Variants in RGS6 observed in about 807,000 individuals in gnomAD.
RGS6 encodes the protein regulator of G-protein signaling 6.
Under a neutral mutation model 78.5 loss-of-function variants are expected in RGS6, and 30 were observed. The observed-to-expected ratio is 0.38, with a 90% CI of 0.29 to 0.52. RGS6 has a LOEUF of 0.52. Ranked by LOEUF, RGS6 falls within the 20% of genes least tolerant of loss-of-function variation. The pLI is 0.85. For synonymous variants in RGS6, 206 were observed against 206.0 expected (o/e 1.00, Z 0.00); for missense variants, 495 against 609.7 (o/e 0.81, Z 1.98).
chr14:71,963,398 A>G (rs999520563), intron 1 of RGS6, among the ~76,000 whole-genome samples: 2 of 152,234 alleles, frequency 1.3e-5, no homozygotes, highest in Non-Finnish European at 2.9e-5. Context: ...AAAATTAGCC[A>G]TCTTAAAGTG....
At chr14:71,920,460 TGA>T in the RGS6 span, among the ~76,000 whole-genome samples, 1 of 152,132 alleles carries the variant, frequency 6.6e-6, no homozygotes, top group East Asian at 1.9e-4. Flanking sequence ...GGCTGATGGT[TGA>T]GTGTATATGA....
chr14:72,618,019 C>G, the RGS6 span, among the ~76,000 whole-genome samples: 6 of 152,070 alleles, frequency 3.9e-5, no homozygotes, highest in Non-Finnish European at 5.9e-5. Flanking sequence ...ACACAGAGTT[C>G]TCGGAAGCTC....
chr14:71,991,245 C>T (rs2094941812), intron 2 of RGS6, among the ~76,000 whole-genome samples: 1 of 152,166 alleles, frequency 6.6e-6, no homozygotes, highest in Non-Finnish European at 1.5e-5. Flanking sequence ...CTAAACCTTG[C>T]ACAGTTATTT....
At chr14:72,401,828 G>T (rs1169117715) in intron 3 of RGS6, among the ~76,000 whole-genome samples, 2 of 152,176 alleles carry the variant, frequency 1.3e-5, no homozygotes, top group African/African-American at 4.8e-5. Context: ...CCTGAGGTCA[G>T]CCGCCACCAC....
At chr14:72,428,663 A>G (rs1374794872) in intron 3 of RGS6, among the ~76,000 whole-genome samples, 1 of 152,206 alleles carries the variant, frequency 6.6e-6, no homozygotes, top group African/African-American at 2.4e-5. Context: ...ACTCCATGTA[A>G]CAACTGAAGA....
At chr14:71,991,480 GT>G (rs537699819) in intron 2 of RGS6, among the ~76,000 whole-genome samples, 107 of 152,212 alleles carry the variant, frequency 7.0e-4, no homozygotes, top group African/African-American at 2.4e-3. Flanking sequence ...TGCCCTCTGT[GT>G]CTCAATTAAA....
At chr14:72,481,019 AC>A (rs1291549973) in intron 12 of RGS6, among the ~76,000 whole-genome samples, 1 of 152,090 alleles carries the variant, frequency 6.6e-6, no homozygotes, top group East Asian at 1.9e-4. Context: ...AACTTTGCAA[AC>A]TAAAGGGGCA....
intron 2 of RGS6, among the ~76,000 whole-genome samples, chr14:72,190,530 G>A (rs1408923185): frequency 1.3e-5 from 2 of 152,172 alleles, no homozygotes; most frequent in African/African-American, 2.4e-5. Context: ...GCCCTTCACG[G>A]GCAGTGGAAA....
intron 2 of RGS6, among the ~76,000 whole-genome samples, chr14:72,055,526 C>T (rs903676179): frequency 1.3e-5 from 2 of 152,122 alleles, no homozygotes; most frequent in Non-Finnish European, 2.9e-5. Context: ...CTCACCCTCG[C>T]TAGAAATATG....
At chr14:72,587,723 T>A in the RGS6 span, among the ~76,000 whole-genome samples, 1 of 152,080 alleles carries the variant, frequency 6.6e-6, no homozygotes. Flanking sequence ...CCAGCCCACA[T>A]GAGTCCTATC....
At chr14:71,939,408 C>T (rs1042367274) in intron 1 of RGS6, among the ~76,000 whole-genome samples, 10 of 152,268 alleles carry the variant, frequency 6.6e-5, no homozygotes, top group South Asian at 2.1e-4. Context: ...ATCAGCATAA[C>T]GTCAATGTAA....
intron 2 of RGS6, among the ~76,000 whole-genome samples, chr14:72,188,055 T>C (rs1257828761): frequency 6.6e-6 from 1 of 152,106 alleles, no homozygotes; most frequent in Admixed American, 6.5e-5. Flanking sequence ...TTTTACTATT[T>C]GAAATGGTCC....
the RGS6 span, among the ~76,000 whole-genome samples, chr14:71,927,419 T>G: frequency 6.6e-6 from 1 of 151,910 alleles, no homozygotes; most frequent in Middle Eastern, 3.2e-3. Context: ...ACAGAAAAAA[T>G]CCACTTCACA....
intron 2 of RGS6, among the ~76,000 whole-genome samples, chr14:72,287,168 C>G (rs1269758393): frequency 6.6e-6 from 1 of 152,158 alleles, no homozygotes; most frequent in African/African-American, 2.4e-5. Context: ...GATTTTGTTT[C>G]CTGATATTTC....
chr14:72,099,188 G>A (rs1326005460), intron 2 of RGS6, among the ~76,000 whole-genome samples: 2 of 152,006 alleles, frequency 1.3e-5, no homozygotes, highest in Non-Finnish European at 2.9e-5. Flanking sequence ...TTGAAATGGA[G>A]TCTCTCTGTC....
At chr14:71,938,199 T>C (rs907407348) in intron 1 of RGS6, among the ~76,000 whole-genome samples, 1 of 152,210 alleles carries the variant, frequency 6.6e-6, no homozygotes, top group Non-Finnish European at 1.5e-5. Flanking sequence ...TTTTGACCAC[T>C]CAGAAAGGTC....
the RGS6 span, among the ~76,000 whole-genome samples, chr14:72,602,723 G>A: frequency 2.0e-5 from 3 of 152,160 alleles, no homozygotes; most frequent in East Asian, 1.9e-4. Context: ...AATAATTTTG[G>A]CCTCAAGACA....
intron 3 of RGS6, among the ~76,000 whole-genome samples, chr14:72,440,560 A>G (rs2095152557): frequency 6.6e-6 from 1 of 151,782 alleles, no homozygotes; most frequent in African/African-American, 2.4e-5. Flanking sequence ...TTACAGGTAC[A>G]TGCCACCATG....
rs184415063 is a variant in RGS6 at position 71,968,757 on chromosome 14, A to G, written c.84+3882A>G. Reference sequence around the variant, plus strand: ...GGGGCACATTAAATTAATGAAAATAATATGTGGCAGATCTTTGACTTTCAT... The same window carrying G: ...GGGGCACATTAAATTAATGAAAATAGTATGTGGCAGATCTTTGACTTTCAT... On this transcript the variant is annotated intron_variant, in intron 2 of 17. Coordinates refer to ENST00000553525, the MANE Select transcript of RGS6 (RefSeq NM_001204424.2). Among the ~76,000 whole-genome samples the G allele has an allele frequency of 9.8e-5, 15 of 152,324 alleles. No homozygotes were observed. The East Asian group carries it at 2.1e-3, about 22-fold the overall frequency.
Sources: gnomAD v4.1 joint callset for allele counts (sites outside exome capture counted in the v4.1 genomes callset) on GRCh38, gnomAD v4.1.1 for gene constraint, MANE v1.5 for transcripts, NCBI Gene and HGNC (gene_info 2026-07-23, HGNC 2026-07-21) for gene names.